The following SBF2 variants were observed in gnomAD, a reference collection of about 807,000 sequenced individuals.
The protein encoded by SBF2 is myotubularin-related protein 13.
A neutral mutation model predicts 225.2 loss-of-function variants in SBF2; 112 were observed. The observed-to-expected ratio is 0.50, with a 90% confidence interval of 0.43 to 0.58. SBF2 has a LOEUF of 0.58. Ranked by LOEUF, SBF2 falls within the 20% of genes least tolerant of loss-of-function variation. The probability of loss-of-function intolerance (pLI) is 0.00; values close to 1 mark genes in which losing one functional copy is unlikely to be tolerated. For missense variants in SBF2, 1,996 were observed against 2,206.2 expected, an observed-to-expected ratio of 0.90 and a Z score of 1.91; for synonymous variants, 763 against 773.3, an observed-to-expected ratio of 0.99 and a Z score of 0.22.
chr11:9,871,599 C>T (rs1858752529), intron 17 of SBF2, among the ~76,000 whole-genome samples: 1 of 151,748 alleles, frequency 6.6e-6, no homozygotes, highest in Admixed American at 6.6e-5. Flanking sequence ...TCATGCCATT[C>T]TCCTGCCTTA....
chr11:10,103,725 T>C (rs185677467), intron 2 of SBF2, among the ~76,000 whole-genome samples: 114 of 152,270 alleles, frequency 7.5e-4, no homozygotes, highest in Non-Finnish European at 1.4e-3. Context: ...AGGACTCTCA[T>C]GGAGAGCTGA....
In SBF2 at chr11:9,787,716, T is replaced by C. The variant is rs1332609571; in HGVS notation, c.4955A>G (p.Lys1652Arg). 1.2e-6 allele frequency: 2 copies of C among 1,614,186 alleles called. No homozygotes were observed. Among genetic ancestry groups the C allele is most frequent in the East Asian group, 4.5e-5 (2 of 44,880 alleles). The change falls in exon 36 of 40, where the codon AAA becomes AGA. Residue 1652 changes from lysine (K) to arginine (R), a missense_variant. Physicochemically the swap from Lys to Arg is conservative, Grantham distance 26. Coordinates refer to ENST00000256190, the MANE Select transcript of SBF2 (RefSeq NM_030962.4). ...CCACTTCTCAGGGGCTTGGTTCAAT[T>C]TGTGCTCCAATTTTTCAATTTCCTG... The part of the protein sequence containing the change: ...LFSEIEKLEH[K>R]LNQAPEKWQQ...
chr11:9,858,456 G>A, intron 17 of SBF2, 60 bp from the exon 18 acceptor site: 1 of 1,506,190 alleles, frequency 6.6e-7, no homozygotes, highest in East Asian at 2.3e-5. Flanking sequence ...AGTTCATAAG[G>A]TCACAGGGGC....
At chr11:10,207,453 C>T (rs1957787737) in intron 1 of SBF2, among the ~76,000 whole-genome samples, 1 of 151,996 alleles carries the variant, frequency 6.6e-6, no homozygotes, top group Admixed American at 6.5e-5. Context: ...TTCTCCAGTC[C>T]AATAGCTGGT....
At chr11:10,218,783 C>T (rs988188010) in intron 1 of SBF2, among the ~76,000 whole-genome samples, 3 of 152,216 alleles carry the variant, frequency 2.0e-5, no homozygotes, top group Non-Finnish European at 2.9e-5. Context: ...AGTCTGACAT[C>T]CAATAGGGCA....
intron 1 of SBF2, among the ~76,000 whole-genome samples, chr11:10,291,247 T>C (rs1326050672): frequency 6.6e-6 from 1 of 152,202 alleles, no homozygotes; most frequent in East Asian, 1.9e-4. Flanking sequence ...GTCATGGTGG[T>C]GGAGTCCTTG....
upstream of SBF2, among the ~76,000 whole-genome samples, chr11:10,295,665 A>T (rs2133645275): frequency 6.6e-6 from 1 of 151,974 alleles, no homozygotes. Context: ...ATCCAACTTG[A>T]TCACTTTCAG....
At chr11:9,843,926 C>CTA (rs1454756561) in intron 24 of SBF2, 3 of 152,124 alleles carry the variant, frequency 2.0e-5, no homozygotes, top group Admixed American at 1.3e-4. Context: ...CCAGCTAAAG[C>CTA]TATATATATC....
intron 1 of SBF2, among the ~76,000 whole-genome samples, chr11:10,252,032 A>C (rs541487659): frequency 1.1e-4 from 16 of 152,350 alleles, no homozygotes; most frequent in African/African-American, 3.8e-4. Flanking sequence ...ATCATGCTAA[A>C]TGTGACATAA....
chr11:9,850,364 T>C, intron 21 of SBF2, 146 bp from the exon 22 acceptor site: 1 of 767,458 alleles, frequency 1.3e-6, no homozygotes, highest in East Asian at 2.7e-5. Context: ...CAAAAGATCC[T>C]CTGACCTCAG....
rs3074175 is a variant in SBF2, at chr11:10,223,399, TTATATATATATATA to T, written c.56-29426_56-29413del. 3.1e-3 allele frequency among the ~76,000 whole-genome samples: 183 copies of T among 59,278 alleles called. 1 individual carries two copies. Among genetic ancestry groups the T allele is most frequent in the South Asian group, 6.6e-3 (12 of 1,828 alleles). 38.9% of individuals were successfully genotyped at this position (59,278 alleles called of 152,430 possible). On this transcript the variant is annotated intron_variant, in intron 1 of 39. Coordinates refer to ENST00000256190, the MANE Select transcript of SBF2 (RefSeq NM_030962.4). Reference sequence around the variant, plus strand: ...CAATAAACAACACATATTTTGCACATTATATATATATATATATATATATATATATATATATATAT... The same window carrying T: ...CAATAAACAACACATATTTTGCACATTATATATATATATATATATATATAT...
chr11:10,174,377 G>A (rs1443857823), intron 2 of SBF2, among the ~76,000 whole-genome samples: 1 of 152,198 alleles, frequency 6.6e-6, no homozygotes, highest in Admixed American at 6.5e-5. Context: ...GAAGCCTCAG[G>A]AGCTGACGCG....
At chr11:10,296,393 G>A (rs557624853), upstream of SBF2, among the ~76,000 whole-genome samples, 4 of 152,256 alleles carry the variant, frequency 2.6e-5, no homozygotes, top group East Asian at 7.7e-4. Context: ...GGCAAGGAGA[G>A]CAAAGCGGCA....
chr11:9,903,202 GT>G, intron 16 of SBF2, among the ~76,000 whole-genome samples: 1 of 152,096 alleles, frequency 6.6e-6, no homozygotes, highest in South Asian at 2.1e-4. Context: ...GGCATCTGTA[GT>G]CCCAGCTACT....
intron 2 of SBF2, among the ~76,000 whole-genome samples, chr11:10,144,970 T>G (rs1326216847): frequency 6.6e-6 from 1 of 152,236 alleles, no homozygotes; most frequent in Non-Finnish European, 1.5e-5. Flanking sequence ...CAAGCTCCAC[T>G]TACATTCCAC....
chr11:9,864,030 C>T (rs1371637952), intron 17 of SBF2, among the ~76,000 whole-genome samples: 2 of 152,142 alleles, frequency 1.3e-5, no homozygotes, highest in Non-Finnish European at 2.9e-5. Flanking sequence ...GAACAAAACA[C>T]AACTGGCTTA....
At chr11:9,781,860 TCAAA>T (rs1852030320) in intron 38 of SBF2, among the ~76,000 whole-genome samples, 1 of 152,082 alleles carries the variant, frequency 6.6e-6, no homozygotes, top group Non-Finnish European at 1.5e-5. Flanking sequence ...TGTTTGAAAA[TCAAA>T]CAAATAAATG....
intron 16 of SBF2, among the ~76,000 whole-genome samples, chr11:9,927,317 C>T (rs907519665): frequency 1.3e-5 from 2 of 152,082 alleles, no homozygotes; most frequent in Non-Finnish European, 2.9e-5. Flanking sequence ...TTTAAGGAAG[C>T]AATAATACCA....
intron 2 of SBF2, among the ~76,000 whole-genome samples, chr11:10,105,739 C>T (rs1275973122): frequency 6.6e-6 from 1 of 152,214 alleles, no homozygotes; most frequent in African/African-American, 2.4e-5. Flanking sequence ...GATCAGCCAT[C>T]AGCTGAAGCA....
Sources: gnomAD v4.1 joint callset for allele counts (sites outside exome capture counted in the v4.1 genomes callset) on GRCh38, gnomAD v4.1.1 for gene constraint, MANE v1.5 for transcripts, NCBI Gene and HGNC (gene_info 2026-07-23, HGNC 2026-07-21) for gene names.